Variants in TNKS observed in about 807,000 individuals in gnomAD.
TNKS encodes tankyrase, also known as poly [ADP-ribose] polymerase tankyrase-1.
Under a neutral mutation model 135.8 loss-of-function variants are expected in TNKS, and 72 were observed. The observed-to-expected ratio is 0.53, with a 90% CI of 0.44 to 0.64. The LOEUF (loss-of-function observed/expected upper bound fraction) is 0.64. TNKS is among the 30% of genes least tolerant of loss of function. The pLI, the probability that TNKS is intolerant of heterozygous loss-of-function variation, is 0.00. For synonymous variants in TNKS, 849 were observed against 649.3 expected, an observed-to-expected ratio of 1.31 and a Z score of -4.68; for missense variants, 1,769 against 1,674.0, an observed-to-expected ratio of 1.06 and a Z score of -0.99.
At position 9,746,881 on chromosome 8, in the gene TNKS, C is replaced by CTTTTTTTTT. The variant is rs10672387; in HGVS notation, c.2644-1132_2644-1124dup. ...TCTGAGAGTTTCATACCTACTTAAA[C>CTTTTTTTTT]TTTTTTTTTTTTTTTTTTTGAGACG... On this transcript the variant is annotated intron_variant, in intron 17 of 26. Coordinates refer to ENST00000310430, the MANE Select transcript of TNKS (RefSeq NM_003747.3). Among the ~76,000 whole-genome samples the CTTTTTTTTT allele has an allele frequency of 1.5e-3, 179 of 117,160 alleles. 11 individuals carry two copies. Among genetic ancestry groups the CTTTTTTTTT allele is most frequent in the African/African-American group, 4.4e-3 (121 of 27,522 alleles). 76.9% of individuals were successfully genotyped at this position (117,160 alleles called of 152,430 possible).
chr8:9,678,198 T>G (rs1236112827), intron 3 of TNKS, among the ~76,000 whole-genome samples: 1 of 152,262 alleles, frequency 6.6e-6, no homozygotes, highest in East Asian at 1.9e-4. Context: ...ATACATTTTA[T>G]AGATACATTG....
At chr8:9,664,753 A>T (rs571581818) in intron 3 of TNKS, among the ~76,000 whole-genome samples, 1 of 152,232 alleles carries the variant, frequency 6.6e-6, no homozygotes, top group Non-Finnish European at 1.5e-5. Context: ...TTTAAGTTCA[A>T]TTTTATATAA....
intron 3 of TNKS, among the ~76,000 whole-genome samples, chr8:9,657,227 G>A (rs1238477522): frequency 1.2e-4 from 15 of 120,240 alleles, no homozygotes; most frequent in African/African-American, 3.6e-4. Flanking sequence ...CCTCCCGGAC[G>A]GGGCGGCTGG....
intron 1 of TNKS, among the ~76,000 whole-genome samples, chr8:9,579,091 C>T (rs1423575891): frequency 6.6e-6 from 1 of 152,112 alleles, no homozygotes; most frequent in Non-Finnish European, 1.5e-5. Flanking sequence ...TTTGCCTCAT[C>T]CTTAGACTAC....
rs1441924509 is a variant in TNKS, at chr8:9,782,207, G to C, written c.*5471G>C. The C allele has an allele frequency of 3.9e-5, 6 of 152,546 alleles. No homozygotes were observed. Among genetic ancestry groups the C allele is most frequent in the African/African-American group, 7.2e-5 (3 of 41,408 alleles). 9.4% of individuals were successfully genotyped at this position (152,546 alleles called of 1,614,324 possible). A position where few individuals can be genotyped will look rare whatever the true frequency, so the allele number is the denominator to read the frequency against. The stretch of plus-strand genomic sequence containing the variant: ...ACTTCTTTCCAAAGGAGGGCATCAA[G>C]GAACTTAACCTGCCTGCCTGGTGGG... On this transcript the variant is annotated 3_prime_UTR_variant, in exon 27 of 27. Coordinates refer to ENST00000310430, the MANE Select transcript of TNKS (RefSeq NM_003747.3).
At chr8:9,567,132 A>G (rs1261577816) in intron 1 of TNKS, among the ~76,000 whole-genome samples, 2 of 152,206 alleles carry the variant, frequency 1.3e-5, no homozygotes, top group African/African-American at 4.8e-5. Flanking sequence ...GTAACTTTAC[A>G]AATTTTGGAA....
At chr8:9,638,623 A>T (rs539102980) in intron 3 of TNKS, among the ~76,000 whole-genome samples, 13 of 152,354 alleles carry the variant, frequency 8.5e-5, no homozygotes, top group Admixed American at 6.5e-4. Context: ...TTAAATATTT[A>T]TGTCATTCTT....
At chr8:9,670,310 T>A (rs1802217669) in intron 3 of TNKS, 1 of 152,196 alleles carries the variant, frequency 6.6e-6, no homozygotes. Context: ...GGAGAACATT[T>A]TTATTCGAAG....
intron 3 of TNKS, among the ~76,000 whole-genome samples, chr8:9,632,335 A>G (rs894417470): frequency 2.6e-5 from 4 of 152,212 alleles, no homozygotes; most frequent in Non-Finnish European, 5.9e-5. Flanking sequence ...AAAGTTTTAA[A>G]AAATACTAAG....
chr8:9,643,092 G>C (rs1381788685), intron 3 of TNKS, among the ~76,000 whole-genome samples: 1 of 145,850 alleles, frequency 6.9e-6, no homozygotes, highest in African/African-American at 2.5e-5. Context: ...ATTTATAAAA[G>C]CTTGAGAAGT....
Position 9,742,200 on chromosome 8 carries a change from A to G in TNKS, c.2644-5824A>G, listed in dbSNP as rs139285768. The stretch of plus-strand genomic sequence containing the variant: ...TTGTGAGGGTGGATTGAGTCACTCA[A>G]AAATTTTTTTCATGTATTAAACTTG... On this transcript the variant is annotated intron_variant, in intron 17 of 26. Coordinates refer to ENST00000310430, the MANE Select transcript of TNKS (RefSeq NM_003747.3). Among the ~76,000 whole-genome samples, 486 of 152,242 alleles carry G rather than the reference A, an allele frequency of 3.2e-3. 2 individuals carry two copies. The highest frequency in any genetic ancestry group is 0.011 in the African/African-American group (462 of 41,544).
At chr8:9,655,301 G>C (rs531276011) in intron 3 of TNKS, among the ~76,000 whole-genome samples, 159 of 152,336 alleles carry the variant, frequency 1.0e-3, no homozygotes, top group African/African-American at 3.6e-3. Flanking sequence ...GCCTCTGTAG[G>C]CTCCACCTCT....
Position 9,710,127 on chromosome 8 carries a change from T to A in TNKS, c.1671-15T>A. The A allele has an allele frequency of 6.2e-7, 1 of 1,613,732 alleles. No homozygotes were observed. The highest frequency in any genetic ancestry group is 8.5e-7 in the Non-Finnish European group (1 of 1,179,726). On this transcript the variant is annotated splice_polypyrimidine_tract_variant and intron_variant, in intron 10 of 26. Coordinates refer to ENST00000310430, the MANE Select transcript of TNKS (RefSeq NM_003747.3). ...GAGAGACAATTACCTTTTCTTTCTTTCCTCTTTTCTGTAGTTTCATGACTC... is the reference window on the plus strand; with the variant it reads ...GAGAGACAATTACCTTTTCTTTCTTACCTCTTTTCTGTAGTTTCATGACTC...
intron 26 of TNKS, among the ~76,000 whole-genome samples, chr8:9,772,831 C>CTGTG (rs71201974): frequency 0.021 from 2,494 of 119,036 alleles, 56 homozygotes; most frequent in East Asian, 0.15. Context: ...GTGTGTGTGT[C>CTGTG]TGTGTGTGTG....
intron 5 of TNKS, among the ~76,000 whole-genome samples, chr8:9,688,881 T>C (rs1403562290): frequency 6.6e-6 from 1 of 152,194 alleles, no homozygotes; most frequent in African/African-American, 2.4e-5. Context: ...CCTCAGGTGA[T>C]CCACCCACCT....
At chr8:9,638,203 G>A (rs191890565) in intron 3 of TNKS, among the ~76,000 whole-genome samples, 1 of 152,278 alleles carries the variant, frequency 6.6e-6, no homozygotes, top group East Asian at 1.9e-4. Context: ...TCAAACTCCT[G>A]GCTTTAAGAG....
chr8:9,575,733 G>T (rs978996217), intron 1 of TNKS, among the ~76,000 whole-genome samples: 1 of 152,154 alleles, frequency 6.6e-6, no homozygotes, highest in Non-Finnish European at 1.5e-5. Context: ...CCAAGACAAT[G>T]AACTGACAAG....
Position 9,580,924 on chromosome 8 carries a change from G to A in TNKS, c.898+541G>A, listed in dbSNP as rs531914859. Among the ~76,000 whole-genome samples, 11 of 152,270 alleles carry A rather than the reference G, an allele frequency of 7.2e-5. No individual in the cohort carries two copies. In the East Asian group the frequency reaches 9.6e-4, roughly 13 times the overall value. On this transcript the variant is annotated intron_variant, in intron 2 of 26. Coordinates refer to ENST00000310430, the MANE Select transcript of TNKS (RefSeq NM_003747.3). Reference sequence around the variant, plus strand: ...ATCATTTTAGGTATCTAGATGAAACGAAGCTGTATTCAATCAGCATTTTGT... The same window carrying A: ...ATCATTTTAGGTATCTAGATGAAACAAAGCTGTATTCAATCAGCATTTTGT...
Position 9,765,678 on chromosome 8 carries a change from C to T in TNKS, c.3448-14C>T. ...GTTTCACCGATAATGTTTCTTTCTT[C>T]TTCATCCTTAAAGATTCAAAAAGTT... On this transcript the variant is annotated splice_polypyrimidine_tract_variant and intron_variant, in intron 23 of 26. Transcript: ENST00000310430. 6.2e-7 allele frequency: 1 copy of T among 1,602,498 alleles called. No individual in the cohort carries two copies. The highest frequency in any genetic ancestry group is 8.5e-7 in the Non-Finnish European group (1 of 1,170,552).
Sources: allele counts gnomAD v4.1 joint callset (sites outside exome capture counted in the v4.1 genomes callset), GRCh38; gene constraint gnomAD v4.1.1; transcripts MANE v1.5; gene names NCBI Gene and HGNC (gene_info 2026-07-23, HGNC 2026-07-21).